COL24A1: variants seen among roughly 807,000 people sequenced by gnomAD.
The protein encoded by COL24A1 is collagen type XXIV alpha 1 chain.
COL24A1 carries 224 observed loss-of-function variants against 253.9 expected under a neutral mutation model. The ratio of observed to expected loss-of-function variants is 0.88; its 90% CI spans 0.79 to 0.99. The LOEUF (loss-of-function observed/expected upper bound fraction) is 0.99. COL24A1 is among the 50% of genes least tolerant of loss of function. The pLI, the probability that COL24A1 is intolerant of heterozygous loss-of-function variation, is 0.00. For synonymous variants in COL24A1, 685 were observed against 673.7 expected (o/e 1.02, Z -0.26); for missense variants, 2,131 against 2,068.5 (o/e 1.03, Z -0.59).
At chr1:85,903,018 C>T (rs1684473517) in intron 28 of COL24A1, among the ~76,000 whole-genome samples, 1 of 151,828 alleles carries the variant, frequency 6.6e-6, no homozygotes, top group Admixed American at 6.6e-5. Flanking sequence ...AATATCACAC[C>T]CACCCCATAA....
intron 39 of COL24A1, among the ~76,000 whole-genome samples, chr1:85,846,494 A>G (rs1017482930): frequency 5.5e-4 from 83 of 152,048 alleles, no homozygotes; most frequent in African/African-American, 1.9e-3. Context: ...TAACATATTT[A>G]ACAAAAATAT....
At chr1:85,820,489 G>A (rs912243152) in intron 45 of COL24A1, among the ~76,000 whole-genome samples, 2 of 152,178 alleles carry the variant, frequency 1.3e-5, no homozygotes, top group Non-Finnish European at 2.9e-5. Context: ...TCTGGCAGGA[G>A]GGCCAAGGTA....
At chr1:85,812,540 T>C (rs1672652860) in intron 47 of COL24A1, among the ~76,000 whole-genome samples, 1 of 152,170 alleles carries the variant, frequency 6.6e-6, no homozygotes, top group Non-Finnish European at 1.5e-5. Flanking sequence ...CTACATTAAT[T>C]CAGAGAGCAC....
rs10526604 is a variant in COL24A1, at chr1:85,906,264, C to CTTTTTTTTTTTTTTTTTTTTTTTTTTTT, written c.2778+929_2778+930insAAAAAAAAAAAAAAAAAAAAAAAAAAAA. 2.7e-3 allele frequency among the ~76,000 whole-genome samples: 211 copies of CTTTTTTTTTTTTTTTTTTTTTTTTTTTT among 77,812 alleles called. 51 individuals carry two copies. The highest frequency in any genetic ancestry group is 2.9e-3 in the African/African-American group (57 of 19,402). The allele number at this position is 77,812 out of a possible 152,430, so 51.0% of individuals were successfully genotyped here. ...TTTGCCAACTGGAAAACTGCAAGGT[C>CTTTTTTTTTTTTTTTTTTTTTTTTTTTT]TTTTTTTTTTTTTACCATGGTTAGG... On this transcript the variant is annotated intron_variant, in intron 28 of 59. Transcript: ENST00000370571.
intron 47 of COL24A1, among the ~76,000 whole-genome samples, chr1:85,788,479 G>A (rs1370371314): frequency 6.6e-6 from 1 of 152,090 alleles, no homozygotes; most frequent in Non-Finnish European, 1.5e-5. Context: ...TTGTCAGATG[G>A]TTAGATTGCA....
intron 24 of COL24A1, among the ~76,000 whole-genome samples, chr1:85,924,230 C>T (rs142269187): frequency 0.017 from 2,550 of 152,284 alleles, 39 homozygotes; most frequent in South Asian, 0.068. Context: ...CAGCCAAATT[C>T]TACCAGAGGT....
At chr1:85,905,779 G>GTGGA (rs2102882760) in intron 28 of COL24A1, among the ~76,000 whole-genome samples, 1 of 152,198 alleles carries the variant, frequency 6.6e-6, no homozygotes, top group South Asian at 2.1e-4. Flanking sequence ...GACTTAATGA[G>GTGGA]ACAGCACAAA....
chr1:85,818,017 A>G lies in COL24A1; in HGVS notation c.3843+17T>C. ...CATTTAGAAAAGCAAGAAAGATGAAAGAGGCCTGTTACTTACAGGAATCCC... is the reference window on the plus strand; with the variant it reads ...CATTTAGAAAAGCAAGAAAGATGAAGGAGGCCTGTTACTTACAGGAATCCC... On this transcript the variant is annotated intron_variant, in intron 46 of 59. Coordinates refer to ENST00000370571, the MANE Select transcript of COL24A1 (RefSeq NM_152890.7). The G allele has an allele frequency of 6.2e-7, 1 of 1,611,112 alleles. No homozygotes were observed. The highest frequency in any genetic ancestry group is 8.5e-7 in the Non-Finnish European group (1 of 1,177,572).
intron 19 of COL24A1, among the ~76,000 whole-genome samples, chr1:85,999,690 C>G (rs942290190): frequency 6.6e-6 from 1 of 151,478 alleles, no homozygotes; most frequent in Admixed American, 6.6e-5. Flanking sequence ...AAAGATTCAT[C>G]CTGGGTAGGC....
chr1:85,847,090 A>G (rs887899077), intron 39 of COL24A1, among the ~76,000 whole-genome samples: 6 of 152,184 alleles, frequency 3.9e-5, no homozygotes, highest in Non-Finnish European at 8.8e-5. Context: ...CTTTCAGAAC[A>G]GGTCTAAATA....
chr1:86,149,198 C>G (rs1284584585), intron 1 of COL24A1, among the ~76,000 whole-genome samples: 2 of 152,182 alleles, frequency 1.3e-5, no homozygotes, highest in East Asian at 3.9e-4. Flanking sequence ...CCTGGCCCAC[C>G]TGGGGAGTTT....
At chr1:85,777,535 C>T (rs1371014447) in intron 52 of COL24A1, among the ~76,000 whole-genome samples, 2 of 151,998 alleles carry the variant, frequency 1.3e-5, no homozygotes, top group South Asian at 2.1e-4. Flanking sequence ...CATGAAATGG[C>T]TAACCTATAA....
rs568485331 is a variant in COL24A1, at chr1:86,067,872, A to C, written c.1708-4113T>G. Among the ~76,000 whole-genome samples, 3 of 152,314 alleles carry C rather than the reference A, an allele frequency of 2.0e-5. No individual in the cohort carries two copies. In the East Asian group the frequency reaches 5.8e-4, roughly 29 times the overall value. ...TAGTATTTGAGTCATTATTTTCTAT[A>C]CTCATACAGGAAGAATAACAAAAAA... is the stretch of plus-strand genomic sequence containing the variant. On this transcript the variant is annotated intron_variant, in intron 7 of 59. Coordinates refer to ENST00000370571, the MANE Select transcript of COL24A1 (RefSeq NM_152890.7).
chr1:85,999,633 A>C (rs1225351585), intron 19 of COL24A1, among the ~76,000 whole-genome samples: 1 of 58,806 alleles, frequency 1.7e-5, no homozygotes, highest in African/African-American at 4.9e-5. Flanking sequence ...AAAATAAAAT[A>C]AAGTAAAATA....
intron 37 of COL24A1, among the ~76,000 whole-genome samples, chr1:85,862,054 C>A (rs1485657580): frequency 6.6e-6 from 1 of 152,140 alleles, no homozygotes; most frequent in Non-Finnish European, 1.5e-5. Flanking sequence ...TCTCTCACTA[C>A]CCTAGCTGAT....
chr1:85,849,204 T>A, intron 38 of COL24A1, 149 bp downstream of exon 38: 1 of 429,754 alleles, frequency 2.3e-6, no homozygotes, highest in Non-Finnish European at 4.1e-6. Flanking sequence ...AAATTAAATA[T>A]TAATTTATAT....
chr1:85,889,049 T>A (rs1682824073), intron 32 of COL24A1, among the ~76,000 whole-genome samples: 1 of 152,128 alleles, frequency 6.6e-6, no homozygotes, highest in South Asian at 2.1e-4. Context: ...GGAAACTCCA[T>A]AATTGAATCA....
chr1:85,886,518 A>G (rs764997083), intron 32 of COL24A1, among the ~76,000 whole-genome samples: 1 of 151,360 alleles, frequency 6.6e-6, no homozygotes, highest in Non-Finnish European at 1.5e-5. Context: ...ACAAAAAATT[A>G]TTGGGGCGTG....
At chr1:85,907,531 G>C (rs186548509) in intron 27 of COL24A1, among the ~76,000 whole-genome samples, 12 of 151,902 alleles carry the variant, frequency 7.9e-5, no homozygotes, top group Admixed American at 7.9e-4. Context: ...GAACACATAT[G>C]GAGTGATGGA....
Sources: gnomAD v4.1 joint callset for allele counts (sites outside exome capture counted in the v4.1 genomes callset) on GRCh38, gnomAD v4.1.1 for gene constraint, MANE v1.5 for transcripts, NCBI Gene and HGNC (gene_info 2026-07-23, HGNC 2026-07-21) for gene names.